The following NUBPL variants were observed in gnomAD, a reference collection of about 807,000 sequenced individuals.
NUBPL encodes NUBP iron-sulfur cluster assembly factor, mitochondrial, also known as iron-sulfur cluster transfer protein NUBPL.
NUBPL carries 31 observed loss-of-function variants against 45.7 expected under a neutral mutation model. The ratio of observed to expected loss-of-function variants is 0.68; its 90% CI spans 0.51 to 0.92. The LOEUF is 0.92. Ranked by LOEUF, NUBPL falls within the 40% of genes least tolerant of loss-of-function variation. The pLI is 0.00. For missense variants in NUBPL, 401 were observed against 398.7 expected, an observed-to-expected ratio of 1.01 and a Z score of -0.05; for synonymous variants, 144 against 140.9, an observed-to-expected ratio of 1.02 and a Z score of -0.15.
chr14:31,688,658 GT>G (rs35846918), intron 6 of NUBPL, among the ~76,000 whole-genome samples: 43 of 129,422 alleles, frequency 3.3e-4, no homozygotes, highest in East Asian at 6.3e-4. Flanking sequence ...TTTTGTTGTT[GT>G]TTTTTTTTTT....
At chr14:31,642,480 A>AT (rs2035732412) in intron 4 of NUBPL, among the ~76,000 whole-genome samples, 1 of 152,086 alleles carries the variant, frequency 6.6e-6, no homozygotes, top group South Asian at 2.1e-4. Flanking sequence ...TTTGTTGAAA[A>AT]TGAGTTGGCT....
intron 4 of NUBPL, among the ~76,000 whole-genome samples, chr14:31,636,779 G>T (rs2035516188): frequency 1.3e-5 from 2 of 152,194 alleles, no homozygotes; most frequent in Admixed American, 6.5e-5. Context: ...CCTGTTATTG[G>T]TCTATTCAGA....
intron 4 of NUBPL, among the ~76,000 whole-genome samples, chr14:31,653,905 C>G (rs982358711): frequency 6.6e-6 from 1 of 152,178 alleles, no homozygotes; most frequent in Non-Finnish European, 1.5e-5. Context: ...TCCTCTGCTG[C>G]GGCTCCAGCT....
At chr14:31,579,265 A>G (rs1397216139) in intron 3 of NUBPL, among the ~76,000 whole-genome samples, 2 of 152,228 alleles carry the variant, frequency 1.3e-5, no homozygotes, top group African/African-American at 2.4e-5. Flanking sequence ...AATGCGTCTA[A>G]TCCTGTTCTC....
intron 4 of NUBPL, among the ~76,000 whole-genome samples, chr14:31,633,996 A>G (rs2035415264): frequency 6.6e-6 from 1 of 152,150 alleles, no homozygotes; most frequent in South Asian, 2.1e-4. Flanking sequence ...CTGAAGGGAT[A>G]TAGTGAATGC....
intron 4 of NUBPL, among the ~76,000 whole-genome samples, chr14:31,656,829 G>T (rs544673973): frequency 1.3e-5 from 2 of 152,292 alleles, no homozygotes; most frequent in Non-Finnish European, 2.9e-5. Context: ...GGCACCAATA[G>T]ACTTGCTCAA....
In NUBPL at chr14:31,825,708, CCT is replaced by C. The variant is rs1026683104; in HGVS notation, c.608-918_608-917del. Among the ~76,000 whole-genome samples, 11 of 147,992 alleles carry C rather than the reference CCT, an allele frequency of 7.4e-5. No homozygotes were observed. The East Asian group carries it at 7.9e-4, about 11-fold the overall frequency. The stretch of plus-strand genomic sequence containing the variant: ...TCTTTTGTTCTTTCTTCTTCATCTT[CCT>C]CTTTTTCCTCTCCTTCATCATCTTC... On this transcript the variant is annotated intron_variant, in intron 7 of 10. Coordinates refer to ENST00000281081, the MANE Select transcript of NUBPL (RefSeq NM_025152.3).
At chr14:31,822,460 GA>G (rs1316352891) in intron 7 of NUBPL, among the ~76,000 whole-genome samples, 8 of 152,028 alleles carry the variant, frequency 5.3e-5, no homozygotes, top group Admixed American at 4.6e-4. Context: ...AGGGCTATCT[GA>G]AATAATTACT....
At chr14:31,759,661 A>G (rs2138721023) in intron 6 of NUBPL, among the ~76,000 whole-genome samples, 1 of 151,826 alleles carries the variant, frequency 6.6e-6, no homozygotes, top group East Asian at 1.9e-4. Flanking sequence ...GTGTGAAAGC[A>G]ATGTTCATCT....
chr14:31,763,627 C>G (rs2038858213), intron 6 of NUBPL, among the ~76,000 whole-genome samples: 1 of 152,244 alleles, frequency 6.6e-6, no homozygotes, highest in East Asian at 1.9e-4. Flanking sequence ...ATTTATTGTC[C>G]TATACATTAA....
At chr14:31,771,341 A>G (rs1363382468) in intron 6 of NUBPL, among the ~76,000 whole-genome samples, 1 of 152,222 alleles carries the variant, frequency 6.6e-6, no homozygotes, top group Non-Finnish European at 1.5e-5. Context: ...TAGGAAAAAA[A>G]AAGGAAAGCA....
intron 6 of NUBPL, among the ~76,000 whole-genome samples, chr14:31,748,657 G>A (rs151246185): frequency 6.6e-6 from 1 of 152,172 alleles, no homozygotes; most frequent in East Asian, 1.9e-4. Flanking sequence ...TTGTTGCCCA[G>A]GTTGGTATGC....
At chr14:31,825,032 C>T (rs2040075204) in intron 7 of NUBPL, among the ~76,000 whole-genome samples, 2 of 152,140 alleles carry the variant, frequency 1.3e-5, no homozygotes, top group Non-Finnish European at 2.9e-5. Context: ...TCTCAAAACT[C>T]TGTACAGTAG....
chr14:31,758,643 A>T (rs1316482151), intron 6 of NUBPL, among the ~76,000 whole-genome samples: 1 of 152,166 alleles, frequency 6.6e-6, no homozygotes, highest in African/African-American at 2.4e-5. Context: ...ATTTTCAATT[A>T]TATCTCCCAT....
intron 4 of NUBPL, among the ~76,000 whole-genome samples, chr14:31,656,647 G>A (rs556297505): frequency 1.4e-3 from 214 of 152,200 alleles, no homozygotes; most frequent in Non-Finnish European, 1.3e-3. Context: ...AACATATATT[G>A]AATAGGTTTG....
At chr14:31,783,282 C>G (rs1355427587) in intron 6 of NUBPL, among the ~76,000 whole-genome samples, 1 of 151,996 alleles carries the variant, frequency 6.6e-6, no homozygotes, top group Non-Finnish European at 1.5e-5. Context: ...GATTCTGGAT[C>G]CTGCCATGTG....
At chr14:31,661,867 CA>C in intron 4 of NUBPL, among the ~76,000 whole-genome samples, 1 of 152,254 alleles carries the variant, frequency 6.6e-6, no homozygotes, top group Non-Finnish European at 1.5e-5. Context: ...ATAATTAAAG[CA>C]AAATGCTTTT....
intron 6 of NUBPL, among the ~76,000 whole-genome samples, chr14:31,778,670 G>A (rs1367694137): frequency 1.3e-5 from 2 of 152,190 alleles, no homozygotes; most frequent in African/African-American, 2.4e-5. Context: ...TCAAGAAGAA[G>A]GTGTTAACCC....
intron 7 of NUBPL, among the ~76,000 whole-genome samples, chr14:31,788,952 G>A (rs11849755): frequency 0.05 from 7,662 of 152,238 alleles, 658 homozygotes; most frequent in African/African-American, 0.17. Flanking sequence ...GAACATGACT[G>A]GTTCACTGCT....
Sources: gnomAD v4.1 joint callset for allele counts (sites outside exome capture counted in the v4.1 genomes callset) on GRCh38, gnomAD v4.1.1 for gene constraint, MANE v1.5 for transcripts, NCBI Gene and HGNC (gene_info 2026-07-23, HGNC 2026-07-21) for gene names.